Variants in FBXO4 observed in about 807,000 individuals in gnomAD.
FBXO4 encodes F-box protein 4, also known as F-box only protein 4.
Under a neutral mutation model 43.7 loss-of-function variants are expected in FBXO4, and 36 were observed. That is an observed-to-expected ratio of 0.82 (90% confidence interval 0.63 to 1.09). The LOEUF is 1.09. Among genes scored for constraint, FBXO4 ranks in the 50% least tolerant of loss-of-function variants. The pLI is 0.00. For synonymous variants in FBXO4, 180 were observed against 165.6 expected (o/e 1.09, Z -0.67); for missense variants, 435 against 474.1 (o/e 0.92, Z 0.77).
chr5:41,934,467 G>C (rs1011074208), intron 5 of FBXO4, 159 bp downstream of exon 5: 7 of 1,460,386 alleles, frequency 4.8e-6, no homozygotes, highest in Non-Finnish European at 6.3e-6. Context: ...TCACACTTTT[G>C]TGTGTATTAG....
chr5:42,020,708 C>G, the FBXO4 span, among the ~76,000 whole-genome samples: 1 of 152,094 alleles, frequency 6.6e-6, no homozygotes, highest in Non-Finnish European at 1.5e-5. Context: ...ATAGAAGAAA[C>G]CACAGCCAAC....
chr5:41,988,066 A>G, the FBXO4 span, among the ~76,000 whole-genome samples: 1 of 152,160 alleles, frequency 6.6e-6, no homozygotes, highest in African/African-American at 2.4e-5. Flanking sequence ...AAAAGATGTA[A>G]TAGGTAAAAT....
the FBXO4 span, among the ~76,000 whole-genome samples, chr5:42,039,610 A>G: frequency 0.38 from 57,775 of 151,936 alleles, 13,409 homozygotes; most frequent in African/African-American, 0.66. Context: ...GGCCTCAAAT[A>G]CATCACAGCC....
the FBXO4 span, among the ~76,000 whole-genome samples, chr5:42,001,929 T>A: frequency 3.9e-5 from 6 of 152,306 alleles, no homozygotes; most frequent in Non-Finnish European, 7.4e-5. Context: ...CCTCCTGACC[T>A]TGGGCGATCT....
At chr5:41,935,450 A>G (rs1751825222) in intron 5 of FBXO4, among the ~76,000 whole-genome samples, 1 of 152,228 alleles carries the variant, frequency 6.6e-6, no homozygotes, top group Admixed American at 6.5e-5. Flanking sequence ...GTTGTTTTCC[A>G]CAGACAAAAG....
chr5:41,927,514 C>T (rs1751544962), intron 2 of FBXO4, among the ~76,000 whole-genome samples: 4 of 152,162 alleles, frequency 2.6e-5, no homozygotes, highest in Admixed American at 1.3e-4. Context: ...TTAAAAGTCT[C>T]ATGATCTTTA....
At chr5:41,952,398 A>C in the FBXO4 span, among the ~76,000 whole-genome samples, 1 of 152,202 alleles carries the variant, frequency 6.6e-6, no homozygotes, top group Admixed American at 6.5e-5. Flanking sequence ...CATTTATAAA[A>C]ATTGACTAAT....
At position 41,939,629 on chromosome 5, in the gene FBXO4, A is replaced by C. The variant is rs755204377; in HGVS notation, c.1074+13A>C. 1 of 1,575,526 alleles carries C rather than the reference A, an allele frequency of 6.3e-7. No homozygotes were observed. The highest frequency in any genetic ancestry group is 1.4e-5 in the African/African-American group (1 of 73,544). Reference sequence around the variant, plus strand: ...TCACCCATGGCTGGTAAGATCATTTATACTCTAGTGACAAAAATTTTATTT... The same window carrying C: ...TCACCCATGGCTGGTAAGATCATTTCTACTCTAGTGACAAAAATTTTATTT... On this transcript the variant is annotated intron_variant, in intron 6 of 6. Coordinates refer to ENST00000281623, the MANE Select transcript of FBXO4 (RefSeq NM_012176.3).
chr5:42,040,052 GC>G, the FBXO4 span, among the ~76,000 whole-genome samples: 2 of 152,062 alleles, frequency 1.3e-5, no homozygotes, highest in African/African-American at 2.4e-5. Context: ...AAGATCCTGA[GC>G]ACAGCACACA....
At chr5:42,029,585 T>C in the FBXO4 span, among the ~76,000 whole-genome samples, 1 of 152,068 alleles carries the variant, frequency 6.6e-6, no homozygotes, top group East Asian at 1.9e-4. Flanking sequence ...AGATTTGCCA[T>C]CTTGAGGCTA....
At chr5:41,968,021 C>T in the FBXO4 span, 2 of 415,990 alleles carry the variant, frequency 4.8e-6, no homozygotes, top group Admixed American at 3.0e-5. Context: ...TGCTCCTCCA[C>T]CTCCTGCCGC....
At chr5:41,930,064 C>T (rs1267675471) in intron 3 of FBXO4, 147 bp downstream of exon 3, 2 of 608,294 alleles carry the variant, frequency 3.3e-6, no homozygotes, top group Admixed American at 6.8e-5. Flanking sequence ...TTCCACTGAA[C>T]TGACAGAATT....
At chr5:41,994,887 A>G in the FBXO4 span, among the ~76,000 whole-genome samples, 1 of 152,038 alleles carries the variant, frequency 6.6e-6, no homozygotes, top group Non-Finnish European at 1.5e-5. Flanking sequence ...ACTAGGGGTG[A>G]TGGTGAGTGT....
At chr5:42,018,793 G>A in the FBXO4 span, among the ~76,000 whole-genome samples, 2 of 152,088 alleles carry the variant, frequency 1.3e-5, no homozygotes, top group South Asian at 4.2e-4. Context: ...ACTGTTGATC[G>A]GTGGCACAAT....
chr5:42,035,448 C>G, the FBXO4 span, among the ~76,000 whole-genome samples: 4 of 152,006 alleles, frequency 2.6e-5, no homozygotes, highest in African/African-American at 7.2e-5. Context: ...TATGACCAAT[C>G]TTATCAGAAG....
the FBXO4 span, among the ~76,000 whole-genome samples, chr5:42,021,535 C>T: frequency 6.6e-6 from 1 of 152,028 alleles, no homozygotes; most frequent in Admixed American, 6.6e-5. Context: ...TACAAGCTGG[C>T]GGCTGCCTCT....
Position 41,941,180 on chromosome 5 carries a change from AT to A in FBXO4, c.1075-11del, listed in dbSNP as rs1210965645. The A allele has an allele frequency of 1.9e-6, 3 of 1,609,148 alleles. No homozygotes were observed. Among genetic ancestry groups the A allele is most frequent in the Non-Finnish European group, 2.6e-6 (3 of 1,175,904 alleles). ...TTTCTTACTAACAACATTCTCTCTT[AT>A]GTATTCCGAGGTCCAGGATACAGAG... is the stretch of plus-strand genomic sequence containing the variant. On this transcript the variant is annotated splice_polypyrimidine_tract_variant and intron_variant, in intron 6 of 6. Transcript: ENST00000281623.
At chr5:42,018,725 T>G in the FBXO4 span, among the ~76,000 whole-genome samples, 1 of 152,188 alleles carries the variant, frequency 6.6e-6, no homozygotes, top group Admixed American at 6.6e-5. Flanking sequence ...CCAAAAGCAT[T>G]GAGTTTAACA....
chr5:42,011,993 A>G, the FBXO4 span, among the ~76,000 whole-genome samples: 3 of 152,174 alleles, frequency 2.0e-5, no homozygotes, highest in Non-Finnish European at 4.4e-5. Flanking sequence ...TTAATTAACT[A>G]AGCTCCAAAT....
Sources: gnomAD v4.1 joint callset for allele counts (sites outside exome capture counted in the v4.1 genomes callset) on GRCh38, gnomAD v4.1.1 for gene constraint, MANE v1.5 for transcripts, NCBI Gene and HGNC (gene_info 2026-07-23, HGNC 2026-07-21) for gene names.